GAS2: variants seen among roughly 807,000 people sequenced by gnomAD.
GAS2 encodes the protein growth arrest-specific protein 2.
Under a neutral mutation model 37.5 loss-of-function variants are expected in GAS2, and 20 were observed. The observed-to-expected ratio is 0.53, with a 90% CI of 0.37 to 0.77. The LOEUF is 0.77. GAS2 is among the 30% of genes least tolerant of loss of function. The pLI, the probability that GAS2 is intolerant of heterozygous loss-of-function variation, is 0.00. For synonymous variants in GAS2, 144 were observed against 132.2 expected (o/e 1.09, Z -0.61); for missense variants, 336 against 373.4 (o/e 0.90, Z 0.82).
intron 7 of GAS2, among the ~76,000 whole-genome samples, chr11:22,778,816 G>A (rs1021755417): frequency 6.6e-6 from 1 of 152,180 alleles, no homozygotes; most frequent in Non-Finnish European, 1.5e-5. Flanking sequence ...CTGTGTATGT[G>A]TGCATTTGTT....
At chr11:22,761,608 TAAAGA>T (rs1223357441) in intron 7 of GAS2, among the ~76,000 whole-genome samples, 1 of 152,200 alleles carries the variant, frequency 6.6e-6, no homozygotes, top group African/African-American at 2.4e-5. Flanking sequence ...ATATTATTTG[TAAAGA>T]AAAGTTAACA....
At chr11:22,770,995 A>G (rs983190902) in intron 7 of GAS2, among the ~76,000 whole-genome samples, 4 of 152,156 alleles carry the variant, frequency 2.6e-5, no homozygotes, top group East Asian at 3.9e-4. Context: ...AATTACTTAG[A>G]TAATTAGTGG....
chr11:22,751,071 C>T (rs1383645051), intron 6 of GAS2, among the ~76,000 whole-genome samples: 5 of 151,956 alleles, frequency 3.3e-5, no homozygotes, highest in African/African-American at 7.2e-5. Context: ...ACTAAATGCA[C>T]TTTGGACTTG....
chr11:22,806,692 A>T (rs1366121405), intron 7 of GAS2, among the ~76,000 whole-genome samples: 1 of 152,182 alleles, frequency 6.6e-6, no homozygotes, highest in Non-Finnish European at 1.5e-5. Context: ...TTCTTAGCAA[A>T]TTATAGGTTA....
intron 2 of GAS2, among the ~76,000 whole-genome samples, chr11:22,678,075 C>T (rs943593980): frequency 1.6e-4 from 25 of 152,008 alleles, no homozygotes; most frequent in African/African-American, 6.0e-4. Context: ...AAAAGAATCT[C>T]AAGATACAGT....
chr11:22,750,147 G>A (rs962168536), intron 6 of GAS2, among the ~76,000 whole-genome samples: 1 of 151,992 alleles, frequency 6.6e-6, no homozygotes, highest in African/African-American at 2.4e-5. Context: ...TTAGAGTGAC[G>A]TATGTCTCAC....
At chr11:22,808,281 A>G (rs2134686984) in intron 7 of GAS2, among the ~76,000 whole-genome samples, 1 of 152,348 alleles carries the variant, frequency 6.6e-6, no homozygotes, top group East Asian at 1.9e-4. Context: ...AATTATGTCC[A>G]TTAGACTCCT....
At chr11:22,690,443 T>A (rs976557183) in intron 3 of GAS2, among the ~76,000 whole-genome samples, 2 of 152,104 alleles carry the variant, frequency 1.3e-5, no homozygotes, top group Non-Finnish European at 2.9e-5. Flanking sequence ...TTAGCCTTTG[T>A]GTAGTGGGCC....
At chr11:22,694,124 C>A (rs945969480) in intron 3 of GAS2, among the ~76,000 whole-genome samples, 9 of 152,012 alleles carry the variant, frequency 5.9e-5, no homozygotes, top group African/African-American at 2.2e-4. Flanking sequence ...CACAAGTTTA[C>A]CTATATAACA....
intron 7 of GAS2, among the ~76,000 whole-genome samples, chr11:22,805,635 G>C (rs929413529): frequency 6.6e-6 from 1 of 151,948 alleles, no homozygotes; most frequent in Non-Finnish European, 1.5e-5. Flanking sequence ...TGCAGAAAAG[G>C]GGTCTGGATC....
intron 1 of GAS2, among the ~76,000 whole-genome samples, chr11:22,633,661 A>G (rs568210268): frequency 6.6e-6 from 1 of 152,192 alleles, no homozygotes; most frequent in African/African-American, 2.4e-5. Flanking sequence ...CAGCTGGAGA[A>G]GCTTTCAGTG....
chr11:22,712,045 C>T (rs1223332722), intron 3 of GAS2, among the ~76,000 whole-genome samples: 1 of 152,148 alleles, frequency 6.6e-6, no homozygotes, highest in East Asian at 1.9e-4. Context: ...TACTGCTATC[C>T]TCCTTTCACT....
chr11:22,726,349 G>A lies in GAS2; in HGVS notation c.325G>A (p.Ala109Thr). 1 of 1,611,126 alleles carries A rather than the reference G, an allele frequency of 6.2e-7. No individual in the cohort carries two copies. Among genetic ancestry groups the A allele is most frequent in the Non-Finnish European group, 8.5e-7 (1 of 1,178,880 alleles). ...CAGTGCACCCTCGGGCTCCTTTTTT[G>A]CCAGAGACAATACAGCAAATTTCTT... ...KTSAPSGSFFARDNTANFLSW... is the reference protein window; with the variant it reads ...KTSAPSGSFFTRDNTANFLSW... Residue 109 changes from alanine (A) to threonine (T), a missense_variant, in exon 4 of 8, where the codon GCC becomes ACC. Transcript: ENST00000454584.
chr11:22,783,176 T>G (rs748996931), intron 7 of GAS2, among the ~76,000 whole-genome samples: 2 of 152,186 alleles, frequency 1.3e-5, no homozygotes, highest in Non-Finnish European at 2.9e-5. Flanking sequence ...GGCTTTGATT[T>G]GTATTTCTCT....
intron 1 of GAS2, among the ~76,000 whole-genome samples, chr11:22,639,757 G>T (rs994077142): frequency 2.6e-5 from 4 of 152,074 alleles, no homozygotes; most frequent in Non-Finnish European, 5.9e-5. Context: ...CCTACCATTA[G>T]AATTATTTTC....
At chr11:22,783,512 T>C (rs1330146312) in intron 7 of GAS2, among the ~76,000 whole-genome samples, 1 of 152,200 alleles carries the variant, frequency 6.6e-6, no homozygotes, top group Non-Finnish European at 1.5e-5. Flanking sequence ...ATAATTTCTT[T>C]GCAAAGGCTC....
intron 1 of GAS2, among the ~76,000 whole-genome samples, chr11:22,637,673 TTTATA>T (rs1858854471): frequency 7.2e-6 from 1 of 138,406 alleles, no homozygotes; most frequent in East Asian, 2.2e-4. Context: ...AAAATAAATA[TTTATA>T]TTATATCAAT....
In GAS2 at chr11:22,678,002, T is replaced by C. The variant is rs1237821880; in HGVS notation, c.145+2988T>C. Among the ~76,000 whole-genome samples, 11 of 152,270 alleles carry C rather than the reference T, an allele frequency of 7.2e-5. No individual in the cohort carries two copies. In the East Asian group the frequency reaches 2.1e-3, roughly 29 times the overall value. On this transcript the variant is annotated intron_variant, in intron 2 of 7. Coordinates refer to ENST00000454584, the MANE Select transcript of GAS2 (RefSeq NM_001143830.3). Reference sequence around the variant, plus strand: ...TTTTTTCAAATTAAGACTTTTTTAATGGTCGTAGTTATAACACAAATGCAA... The same window carrying C: ...TTTTTTCAAATTAAGACTTTTTTAACGGTCGTAGTTATAACACAAATGCAA...
intron 5 of GAS2, among the ~76,000 whole-genome samples, chr11:22,748,199 A>G (rs1306432791): frequency 6.6e-6 from 1 of 152,116 alleles, no homozygotes; most frequent in East Asian, 1.9e-4. Context: ...TTAAAGTCAG[A>G]GAAACTGCAT....
Sources: gnomAD v4.1 joint callset for allele counts (sites outside exome capture counted in the v4.1 genomes callset) on GRCh38, gnomAD v4.1.1 for gene constraint, MANE v1.5 for transcripts, NCBI Gene and HGNC (gene_info 2026-07-23, HGNC 2026-07-21) for gene names.